The following NYAP2 variants were observed in gnomAD, a reference collection of about 807,000 sequenced individuals.
NYAP2 encodes the protein neuronal tyrosine-phosphorylated phosphoinositide-3-kinase adapter 2.
Under a neutral mutation model 50.4 loss-of-function variants are expected in NYAP2, and 23 were observed. The ratio of observed to expected loss-of-function variants is 0.46; its 90% CI spans 0.33 to 0.65. The LOEUF is 0.65. Ranked by LOEUF, NYAP2 falls within the 30% of genes least tolerant of loss-of-function variation. The probability of loss-of-function intolerance (pLI) is 0.02; values close to 1 mark genes in which losing one functional copy is unlikely to be tolerated. For missense variants in NYAP2, 885 were observed against 861.0 expected (o/e 1.03, Z -0.35); for synonymous variants, 394 against 365.2 (o/e 1.08, Z -0.90).
chr2:225,464,132 A>G (rs1689878669), intron 3 of NYAP2, among the ~76,000 whole-genome samples: 2 of 152,176 alleles, frequency 1.3e-5, no homozygotes, highest in Non-Finnish European at 2.9e-5. Context: ...TGTGGTGAAC[A>G]GTAGGGAGAC....
At chr2:225,636,382 C>T (rs73074519) in intron 6 of NYAP2, among the ~76,000 whole-genome samples, 3,291 of 152,046 alleles carry the variant, frequency 0.022, 120 homozygotes, top group African/African-American at 0.074. Flanking sequence ...TTCTTTCTTT[C>T]ATTTCTTCAT....
chr2:225,621,920 C>A (rs545089917), intron 5 of NYAP2, among the ~76,000 whole-genome samples: 1 of 152,046 alleles, frequency 6.6e-6, no homozygotes, highest in Non-Finnish European at 1.5e-5. Flanking sequence ...TATGCCTGTA[C>A]CATGTTGTGT....
At chr2:225,434,127 C>A (rs1280398365) in intron 3 of NYAP2, among the ~76,000 whole-genome samples, 3 of 152,074 alleles carry the variant, frequency 2.0e-5, no homozygotes, top group Non-Finnish European at 2.9e-5. Flanking sequence ...GAAGGAGAAC[C>A]TAGCAAGGTT....
chr2:225,522,828 G>T (rs192734099), intron 4 of NYAP2, among the ~76,000 whole-genome samples: 101 of 152,268 alleles, frequency 6.6e-4, no homozygotes, highest in African/African-American at 2.2e-3. Flanking sequence ...TGACAAACAC[G>T]TGCCTTTCTT....
At position 225,582,845 on chromosome 2, in the gene NYAP2, C is replaced by G; in HGVS notation, c.1428C>G (p.Thr476=). ...GCTCTCCTTCAGTGCCTCACTCGACCCCCAGACCCGTGTCGCAAGATGGGG... is the reference window on the plus strand; with the variant it reads ...GCTCTCCTTCAGTGCCTCACTCGACGCCCAGACCCGTGTCGCAAGATGGGG... The change falls in exon 5 of 7, where the codon ACC becomes ACG. Residue 476 remains threonine (T), a synonymous_variant. Transcript: ENST00000636099. The surrounding 1 kb of genome is among the most constrained non-coding windows in gnomAD (Gnocchi z 7.0). 1 of 1,613,854 alleles carries G rather than the reference C, an allele frequency of 6.2e-7. No homozygotes were observed. The highest frequency in any genetic ancestry group is 8.5e-7 in the Non-Finnish European group (1 of 1,179,880).
intron 6 of NYAP2, among the ~76,000 whole-genome samples, chr2:225,640,924 G>A (rs888499344): frequency 6.6e-6 from 1 of 152,162 alleles, no homozygotes; most frequent in Non-Finnish European, 1.5e-5. Flanking sequence ...TTCATTCTCA[G>A]TAGAGAAATT....
intron 4 of NYAP2, among the ~76,000 whole-genome samples, chr2:225,535,881 G>A (rs976614390): frequency 2.0e-5 from 3 of 152,078 alleles, no homozygotes; most frequent in African/African-American, 7.2e-5. Flanking sequence ...AAGATAGATA[G>A]ATATAGATAT....
intron 3 of NYAP2, among the ~76,000 whole-genome samples, chr2:225,481,656 T>C (rs1362847621): frequency 6.6e-6 from 1 of 152,124 alleles, no homozygotes; most frequent in Non-Finnish European, 1.5e-5. Context: ...TAATATGAAG[T>C]AGTATTTCTT....
chr2:225,622,577 TTC>T lies in NYAP2; in HGVS notation c.1619-4338_1619-4337del, dbSNP rs1334460888. ...TCTTTCTTTTTCTTTCTTTCTTTCT[TTC>T]TTCTTTCTTTTTTTTTTTTAGACAA... On this transcript the variant is annotated intron_variant, in intron 5 of 6. Transcript: ENST00000636099. 4.7e-3 allele frequency among the ~76,000 whole-genome samples: 520 copies of T among 110,886 alleles called. 6 individuals are homozygous for T. The highest frequency in any genetic ancestry group is 0.014 in the Middle Eastern group (3 of 216). 72.7% of individuals were successfully genotyped at this position (110,886 alleles called of 152,430 possible).
At chr2:225,627,343 G>A (rs542868472) in intron 6 of NYAP2, among the ~76,000 whole-genome samples, 2 of 152,284 alleles carry the variant, frequency 1.3e-5, no homozygotes, top group East Asian at 3.9e-4. Flanking sequence ...TACCTGAACG[G>A]TGCTTCTTGG....
chr2:225,637,097 G>A (rs1245289251), intron 6 of NYAP2, among the ~76,000 whole-genome samples: 1 of 152,148 alleles, frequency 6.6e-6, no homozygotes, highest in Non-Finnish European at 1.5e-5. Flanking sequence ...TAATAGTATA[G>A]TAGTATAATA....
intron 3 of NYAP2, among the ~76,000 whole-genome samples, 178 bp from the exon 4 acceptor site, chr2:225,513,193 A>C (rs1690863495): frequency 6.6e-6 from 1 of 152,190 alleles, no homozygotes; most frequent in South Asian, 2.1e-4. Context: ...GGGAAAACAA[A>C]ATTTAACACA....
At chr2:225,703,204 AAT>A in the NYAP2 span, 2 of 151,794 alleles carry the variant, frequency 1.3e-5, no homozygotes, top group African/African-American at 4.8e-5. Flanking sequence ...ATATAAAAAT[AAT>A]ATGTTTTTTA....
intron 4 of NYAP2, among the ~76,000 whole-genome samples, chr2:225,569,903 T>G (rs1187577870): frequency 6.6e-6 from 1 of 152,170 alleles, no homozygotes; most frequent in Non-Finnish European, 1.5e-5. Flanking sequence ...TTCCTGTCCC[T>G]GATAGATACA....
At chr2:225,522,830 G>A (rs919138426) in intron 4 of NYAP2, among the ~76,000 whole-genome samples, 12 of 152,152 alleles carry the variant, frequency 7.9e-5, no homozygotes, top group Non-Finnish European at 1.8e-4. Flanking sequence ...ACAAACACGT[G>A]CCTTTCTTTC....
intron 3 of NYAP2, among the ~76,000 whole-genome samples, chr2:225,427,815 G>A (rs986038697): frequency 6.6e-6 from 1 of 152,160 alleles, no homozygotes; most frequent in African/African-American, 2.4e-5. Context: ...GAACAAATGA[G>A]AATCTAATAA....
chr2:225,488,664 T>C (rs13392661), intron 3 of NYAP2, among the ~76,000 whole-genome samples: 30,577 of 152,134 alleles, frequency 0.2, 3,998 homozygotes, highest in African/African-American at 0.37. Flanking sequence ...TAAGCCACCA[T>C]ACCCAGCCTT....
intron 4 of NYAP2, among the ~76,000 whole-genome samples, chr2:225,568,060 A>G (rs1233540509): frequency 6.6e-6 from 1 of 152,144 alleles, no homozygotes; most frequent in Non-Finnish European, 1.5e-5. Context: ...GTCTTGCTAT[A>G]TTAAGCTTTA....
chr2:225,677,767 CT>C, the NYAP2 span, among the ~76,000 whole-genome samples: 2 of 152,066 alleles, frequency 1.3e-5, no homozygotes, highest in Non-Finnish European at 2.9e-5. Flanking sequence ...ATAAAATCTT[CT>C]TGATCATCTT....
Sources: gnomAD v4.1 joint callset for allele counts (sites outside exome capture counted in the v4.1 genomes callset) on GRCh38, gnomAD v4.1.1 for gene constraint, Gnocchi (gnomAD v3.1) non-coding constraint, MANE v1.5 for transcripts, NCBI Gene and HGNC (gene_info 2026-07-23, HGNC 2026-07-21) for gene names.